The following WWOX variants were observed in gnomAD, a reference collection of about 807,000 sequenced individuals.
WWOX encodes WW domain-containing oxidoreductase.
Under a neutral mutation model 46.2 loss-of-function variants are expected in WWOX, and 69 were observed. The ratio of observed to expected loss-of-function variants is 1.49; its 90% confidence interval spans 1.23 to 1.82. WWOX has a LOEUF of 1.82. Among genes scored for constraint, WWOX ranks in the 40% most tolerant of loss-of-function variants. WWOX has a pLI of 0.00. For synonymous variants in WWOX, 359 were observed against 202.6 expected (o/e 1.77, Z -6.56); for missense variants, 919 against 542.6 (o/e 1.69, Z -6.89).
intron 1 of WWOX, among the ~76,000 whole-genome samples, chr16:78,100,468 G>C (rs2031699117): frequency 6.6e-6 from 1 of 152,182 alleles, no homozygotes; most frequent in African/African-American, 2.4e-5. Context: ...TGCCCAGGCT[G>C]GTCTCGAACT....
At chr16:78,428,576 C>A (rs143730848) in intron 7 of WWOX, among the ~76,000 whole-genome samples, 78 of 152,250 alleles carry the variant, frequency 5.1e-4, no homozygotes, top group African/African-American at 1.8e-3. Context: ...TCATGGGATT[C>A]TTTTGACTTG....
chr16:78,925,803 G>A (rs2045484046), intron 8 of WWOX, among the ~76,000 whole-genome samples: 1 of 152,198 alleles, frequency 6.6e-6, no homozygotes. Flanking sequence ...AGAAAGCAGT[G>A]CTCAGAGGTA....
chr16:78,872,001 A>G (rs776706540), intron 8 of WWOX, among the ~76,000 whole-genome samples: 14 of 152,200 alleles, frequency 9.2e-5, no homozygotes, highest in African/African-American at 2.2e-4. Flanking sequence ...ATGCCACTCA[A>G]CAAGGGCCAA....
At chr16:78,407,801 A>G (rs539408301) in intron 6 of WWOX, among the ~76,000 whole-genome samples, 5 of 152,198 alleles carry the variant, frequency 3.3e-5, no homozygotes. Context: ...ATCCATCCAG[A>G]TACCTAAAAA....
At chr16:78,403,726 G>C (rs1193944113) in intron 6 of WWOX, among the ~76,000 whole-genome samples, 1 of 152,230 alleles carries the variant, frequency 6.6e-6, no homozygotes, top group Non-Finnish European at 1.5e-5. Context: ...CACAAGGAAA[G>C]CATAGTCAAA....
chr16:78,261,028 A>T (rs2151836667), intron 5 of WWOX, among the ~76,000 whole-genome samples: 1 of 151,348 alleles, frequency 6.6e-6, no homozygotes, highest in Admixed American at 6.6e-5. Flanking sequence ...ATTCATAAAT[A>T]TTTGGTTTTA....
rs997200756 is a variant in WWOX, at chr16:79,025,085, C to T, written c.1057-186523C>T. Among the ~76,000 whole-genome samples, 74 of 152,030 alleles carry T rather than the reference C, an allele frequency of 4.9e-4. 1 individual carries two copies. The highest frequency in any genetic ancestry group is 1.8e-3 in the African/African-American group (74 of 41,468). On this transcript the variant is annotated intron_variant, in intron 8 of 8. Coordinates refer to ENST00000566780, the MANE Select transcript of WWOX (RefSeq NM_016373.4). ...AGAGTCCCTCCCTCCCCATTCCACT[C>T]CCAAGAGCAGTGAAGAGTCAGGAAG... is the stretch of plus-strand genomic sequence containing the variant.
intron 8 of WWOX, among the ~76,000 whole-genome samples, chr16:78,878,891 A>T (rs887166673): frequency 2.4e-5 from 3 of 127,472 alleles, no homozygotes; most frequent in African/African-American, 8.3e-5. Context: ...TACTATCTCT[A>T]CAAAAAAATG....
chr16:78,558,005 A>G (rs1360381739), intron 8 of WWOX, among the ~76,000 whole-genome samples: 2 of 152,104 alleles, frequency 1.3e-5, no homozygotes, highest in Admixed American at 6.5e-5. Flanking sequence ...CTGCTTTTTC[A>G]GAGCCTGGAA....
intron 8 of WWOX, among the ~76,000 whole-genome samples, chr16:78,640,973 G>A (rs944849933): frequency 1.3e-5 from 2 of 150,696 alleles, no homozygotes; most frequent in African/African-American, 2.4e-5. Context: ...AAGAAAGGAA[G>A]GACAGATGGA....
At chr16:78,385,860 A>G (rs960169036) in intron 5 of WWOX, among the ~76,000 whole-genome samples, 1 of 152,148 alleles carries the variant, frequency 6.6e-6, no homozygotes, top group Non-Finnish European at 1.5e-5. Context: ...CCTTTCAAGG[A>G]GCTAGGTCTA....
At chr16:78,667,376 A>G (rs922068310) in intron 8 of WWOX, among the ~76,000 whole-genome samples, 4 of 152,202 alleles carry the variant, frequency 2.6e-5, no homozygotes, top group Admixed American at 2.6e-4. Flanking sequence ...TTTTTAGAAA[A>G]TTAAAAATGA....
chr16:78,548,743 C>G (rs1401982010), intron 8 of WWOX, among the ~76,000 whole-genome samples: 1 of 152,124 alleles, frequency 6.6e-6, no homozygotes, highest in African/African-American at 2.4e-5. Flanking sequence ...AACTAGAATG[C>G]TAATGGGACT....
chr16:78,782,092 C>G (rs1306738536), intron 8 of WWOX, among the ~76,000 whole-genome samples: 6 of 152,144 alleles, frequency 3.9e-5, no homozygotes, highest in Admixed American at 3.3e-4. Context: ...ATAGATGAAG[C>G]TGTTACATTT....
At chr16:78,825,089 A>C (rs2051612408) in intron 8 of WWOX, among the ~76,000 whole-genome samples, 2 of 152,246 alleles carry the variant, frequency 1.3e-5, no homozygotes, top group Admixed American at 1.3e-4. Flanking sequence ...ACTCCACTTC[A>C]TAAATGAGGA....
chr16:79,097,056 G>A (rs1490215616), intron 8 of WWOX, among the ~76,000 whole-genome samples: 1 of 151,974 alleles, frequency 6.6e-6, no homozygotes, highest in Non-Finnish European at 1.5e-5. Flanking sequence ...TAAAAGGTCA[G>A]GTTGGATTTT....
intron 6 of WWOX, among the ~76,000 whole-genome samples, chr16:78,399,286 C>T (rs1420656344): frequency 1.3e-5 from 2 of 152,222 alleles, no homozygotes; most frequent in East Asian, 3.8e-4. Flanking sequence ...TGAGTTGATA[C>T]CTCCTTGGGT....
intron 5 of WWOX, among the ~76,000 whole-genome samples, chr16:78,206,704 G>C (rs112316132): frequency 2.1e-3 from 315 of 152,264 alleles, no homozygotes; most frequent in African/African-American, 7.2e-3. Flanking sequence ...CCAGGGTTCA[G>C]ATATTGGGCT....
At chr16:78,864,140 C>T (rs1313988308) in intron 8 of WWOX, among the ~76,000 whole-genome samples, 6 of 152,164 alleles carry the variant, frequency 3.9e-5, no homozygotes, top group African/African-American at 1.4e-4. Flanking sequence ...CCTACCTAAC[C>T]ACCTACCTGG....
Sources: gnomAD v4.1 joint callset for allele counts (sites outside exome capture counted in the v4.1 genomes callset) on GRCh38, gnomAD v4.1.1 for gene constraint, MANE v1.5 for transcripts, NCBI Gene and HGNC (gene_info 2026-07-23, HGNC 2026-07-21) for gene names.